ZNF609: variants seen among roughly 807,000 people sequenced by gnomAD.
The protein encoded by ZNF609 is zinc finger protein 609.
A neutral mutation model predicts 109.5 loss-of-function variants in ZNF609; 11 were observed. The observed-to-expected ratio is 0.10, with a 90% CI of 0.06 to 0.17. The LOEUF (loss-of-function observed/expected upper bound fraction) is 0.17. Among genes scored for constraint, ZNF609 ranks in the 10% least tolerant of loss-of-function variants. The pLI, the probability that ZNF609 is intolerant of heterozygous loss-of-function variation, is 1.00. For synonymous variants in ZNF609, 646 were observed against 662.0 expected, an observed-to-expected ratio of 0.98 and a Z score of 0.37; for missense variants, 1,559 against 1,772.4, an observed-to-expected ratio of 0.88 and a Z score of 2.16.
At chr15:64,676,377 A>G (rs1896810718) in intron 5 of ZNF609, 121 bp downstream of exon 5, 1 of 826,150 alleles carries the variant, frequency 1.2e-6, no homozygotes, top group South Asian at 2.6e-5. Flanking sequence ...GAGATGTATA[A>G]TTTTAAGGAT....
chr15:64,527,817 T>A (rs1893989770), intron 2 of ZNF609, among the ~76,000 whole-genome samples: 1 of 152,108 alleles, frequency 6.6e-6, no homozygotes, highest in Non-Finnish European at 1.5e-5. Flanking sequence ...ATCTCCTGCT[T>A]ATCTCTTGTA....
chr15:64,520,416 C>T (rs978855435), intron 2 of ZNF609, among the ~76,000 whole-genome samples: 1 of 152,142 alleles, frequency 6.6e-6, no homozygotes, highest in Non-Finnish European at 1.5e-5. Flanking sequence ...ATGCTATTTA[C>T]ATAACTGTGT....
intron 2 of ZNF609, among the ~76,000 whole-genome samples, chr15:64,519,119 C>T (rs1355784778): frequency 2.5e-3 from 14 of 5,670 alleles, no homozygotes; most frequent in Admixed American, 0.023. Flanking sequence ...GGGTGCAGGG[C>T]GGGGGGCGGG....
At chr15:64,637,096 C>T (rs1213058328) in intron 3 of ZNF609, among the ~76,000 whole-genome samples, 1 of 152,148 alleles carries the variant, frequency 6.6e-6, no homozygotes, top group Non-Finnish European at 1.5e-5. Flanking sequence ...TAACCAATCT[C>T]ATTGTTAATA....
intron 3 of ZNF609, among the ~76,000 whole-genome samples, chr15:64,630,916 G>A (rs1896063917): frequency 6.6e-6 from 1 of 152,140 alleles, no homozygotes; most frequent in Non-Finnish European, 1.5e-5. Context: ...TGAGTAACTT[G>A]TTGCACAATA....
Position 64,676,194 on chromosome 15 carries a change from G to T in ZNF609, c.3340G>T (p.Ala1114Ser), listed in dbSNP as rs1239292822. The T allele has an allele frequency of 6.2e-7, 1 of 1,614,160 alleles. No individual in the cohort carries two copies. The highest frequency in any genetic ancestry group is 1.1e-5 in the South Asian group (1 of 91,084). Residue 1114 changes from alanine to serine, a missense_variant, in exon 5 of 10, where the codon GCC becomes TCC. Around this residue, in one of 4 missense-constraint regions of ZNF609, gnomAD observed 1,204 missense variants for 1,314.1 expected, o/e 0.92. Transcript: ENST00000326648. ...ASHLSKEASE[A>S]KTGAECGRQA... ...CCACCTAAGCAAGGAGGCCTCTGAG[G>T]CCAAGACAGGTGCTGAGTGTGGTCG...
At chr15:64,529,737 G>A (rs1894028828) in intron 2 of ZNF609, 1 of 603,220 alleles carries the variant, frequency 1.7e-6, no homozygotes, top group South Asian at 1.6e-5. Flanking sequence ...AGGAGGAGCA[G>A]AGACTTTTTT....
intron 9 of ZNF609, 54 bp downstream of exon 9, chr15:64,681,441 C>G: frequency 6.8e-7 from 1 of 1,460,720 alleles, no homozygotes; most frequent in South Asian, 1.1e-5. Flanking sequence ...TAGTTGCTAC[C>G]TGGATCACAG....
At chr15:64,479,798 A>G (rs1211223334) in intron 1 of ZNF609, among the ~76,000 whole-genome samples, 1 of 152,050 alleles carries the variant, frequency 6.6e-6, no homozygotes, top group East Asian at 2.0e-4. Flanking sequence ...GCACACCTGT[A>G]ATCCCAGCTA....
intron 5 of ZNF609, among the ~76,000 whole-genome samples, chr15:64,676,969 G>T (rs1056105777): frequency 7.9e-5 from 12 of 152,158 alleles, no homozygotes; most frequent in African/African-American, 2.9e-4. Context: ...TAGCCAGGAT[G>T]GTCTTGATCT....
chr15:64,475,237 C>G (rs1476707935), intron 1 of ZNF609, among the ~76,000 whole-genome samples: 1 of 150,522 alleles, frequency 6.6e-6, no homozygotes, highest in African/African-American at 2.4e-5. Context: ...ACTCCCAAAT[C>G]TAACCATTCC....
intron 2 of ZNF609, among the ~76,000 whole-genome samples, chr15:64,509,690 T>C (rs1262844610): frequency 6.6e-6 from 1 of 152,246 alleles, no homozygotes; most frequent in Non-Finnish European, 1.5e-5. Context: ...GGCAGAGGGC[T>C]GATCTCAGGT....
chr15:64,583,538 G>T (rs1009494508), intron 2 of ZNF609, among the ~76,000 whole-genome samples: 3 of 152,022 alleles, frequency 2.0e-5, no homozygotes, highest in Non-Finnish European at 4.4e-5. Flanking sequence ...TCTTAGGCAA[G>T]TCATTTTTCC....
At chr15:64,467,715 C>T (rs546568274) in intron 1 of ZNF609, among the ~76,000 whole-genome samples, 2 of 152,076 alleles carry the variant, frequency 1.3e-5, no homozygotes, top group African/African-American at 4.8e-5. Flanking sequence ...CATGGTGGCG[C>T]ACGTCTGTAG....
At chr15:64,526,067 A>T (rs1294921328) in intron 2 of ZNF609, among the ~76,000 whole-genome samples, 1 of 149,886 alleles carries the variant, frequency 6.7e-6, no homozygotes, top group Non-Finnish European at 1.5e-5. Flanking sequence ...CGGGATTACA[A>T]GCATGAGCTA....
At position 64,558,088 on chromosome 15, in the gene ZNF609, T is replaced by C. The variant is rs571581920; in HGVS notation, c.747+57922T>C. 4.9e-3 allele frequency among the ~76,000 whole-genome samples: 745 copies of C among 152,334 alleles called. 5 individuals carry two copies. The highest frequency in any genetic ancestry group is 7.9e-3 in the Non-Finnish European group (540 of 68,038). On this transcript the variant is annotated intron_variant, in intron 2 of 9. Coordinates refer to ENST00000326648, the MANE Select transcript of ZNF609 (RefSeq NM_015042.2). ...TTTGGTTTGTTATTTACTACTGTAATTCAAGGTGTAAGTAGCCCCAGCTTA... is the reference window on the plus strand; with the variant it reads ...TTTGGTTTGTTATTTACTACTGTAACTCAAGGTGTAAGTAGCCCCAGCTTA...
intron 2 of ZNF609, among the ~76,000 whole-genome samples, chr15:64,584,605 CT>C (rs1895165271): frequency 6.6e-6 from 1 of 150,940 alleles, no homozygotes; most frequent in African/African-American, 2.4e-5. Context: ...TGGTCAGCCA[CT>C]GCACCCAGCC....
intron 2 of ZNF609, among the ~76,000 whole-genome samples, chr15:64,602,288 G>A (rs1895510752): frequency 1.3e-5 from 2 of 152,166 alleles, no homozygotes; most frequent in South Asian, 4.1e-4. Flanking sequence ...CTTTAGTACT[G>A]TATGGGTTCT....
At chr15:64,650,582 G>A (rs1425538408) in intron 3 of ZNF609, among the ~76,000 whole-genome samples, 1 of 152,126 alleles carries the variant, frequency 6.6e-6, no homozygotes, top group Non-Finnish European at 1.5e-5. Context: ...TGGAAAATCT[G>A]TACACAAAAC....
Sources: gnomAD v4.1 joint callset for allele counts (sites outside exome capture counted in the v4.1 genomes callset) on GRCh38, gnomAD v4.1.1 for gene constraint, gnomAD v4.1.1 regional missense constraint, MANE v1.5 for transcripts, NCBI Gene and HGNC (gene_info 2026-07-23, HGNC 2026-07-21) for gene names.